The following STAT4 variants were observed in gnomAD, a reference collection of about 807,000 sequenced individuals.
STAT4 encodes the protein signal transducer and activator of transcription 4.
Under a neutral mutation model 110.5 loss-of-function variants are expected in STAT4, and 42 were observed. The ratio of observed to expected loss-of-function variants is 0.38; its 90% CI spans 0.30 to 0.49. STAT4 has a LOEUF of 0.49. Ranked by LOEUF, STAT4 falls within the 20% of genes least tolerant of loss-of-function variation. The pLI is 0.95. For missense variants in STAT4, 632 were observed against 887.9 expected (o/e 0.71, Z 3.66); for synonymous variants, 284 against 302.2 (o/e 0.94, Z 0.63).
rs34775786 is a variant in STAT4, at chr2:191,056,779, ATTTTTTTTTTTT to A, written c.1206+1227_1206+1238del. On this transcript the variant is annotated intron_variant, in intron 13 of 23. Coordinates refer to ENST00000392320, the MANE Select transcript of STAT4 (RefSeq NM_003151.4). Reference sequence around the variant, plus strand: ...ATAAATTATTGTTCCCTTCTACACTATTTTTTTTTTTTTTTTTTTTGGAGACTGAGTCTTGCT... The same window carrying A: ...ATAAATTATTGTTCCCTTCTACACTATTTTTTTTGGAGACTGAGTCTTGCT... Among the ~76,000 whole-genome samples the A allele has an allele frequency of 3.2e-5, 3 of 94,516 alleles. No individual in the cohort carries two copies. In the Admixed American group the frequency reaches 3.7e-4, roughly 12 times the overall value. The allele number at this position is 94,516 out of a possible 152,430, so 62.0% of individuals were successfully genotyped here. A position where few individuals can be genotyped will look rare whatever the true frequency, so the allele number is the denominator to read the frequency against.
rs1334612848 is a variant in STAT4, at chr2:191,138,765, G to GT, written c.273+7847dup. 6.6e-6 allele frequency among the ~76,000 whole-genome samples: 1 copy of GT among 152,096 alleles called. No individual in the cohort carries two copies. Among genetic ancestry groups the GT allele is most frequent in the East Asian group, 1.9e-4 (1 of 5,188 alleles). ...CTCTCTAAATCATTCCATGAAGCCA[G>GT]TATCACCCTAATACCAAAACCAGGA... On this transcript the variant is annotated intron_variant, in intron 3 of 23. Transcript: ENST00000392320. The surrounding 1 kb of genome is among the most constrained non-coding windows in gnomAD (Gnocchi z 4.3).
chr2:191,140,144 T>C lies in STAT4; in HGVS notation c.273+6469A>G, dbSNP rs1264517467. ...CTAAGACCTGAAGCCATAAAAATTC[T>C]AGAACATAACATTGGAAAAATACTT... is the stretch of plus-strand genomic sequence containing the variant. On this transcript the variant is annotated intron_variant, in intron 3 of 23. Coordinates refer to ENST00000392320, the MANE Select transcript of STAT4 (RefSeq NM_003151.4). This position sits in a 1 kb window ranked among gnomAD's most constrained non-coding sequence, Gnocchi z 4.4. Among the ~76,000 whole-genome samples the C allele has an allele frequency of 6.6e-6, 1 of 152,234 alleles. No homozygotes were observed. Among genetic ancestry groups the C allele is most frequent in the Non-Finnish European group, 1.5e-5 (1 of 68,044 alleles).
rs1699411211 is a variant in STAT4, at chr2:191,144,517, G to T, written c.273+2096C>A. On this transcript the variant is annotated intron_variant, in intron 3 of 23. Coordinates refer to ENST00000392320, the MANE Select transcript of STAT4 (RefSeq NM_003151.4). This position sits in a 1 kb window ranked among gnomAD's most constrained non-coding sequence, Gnocchi z 4.7. ...AGCTCAAGGAAGATTGTTGGGAAAG[G>T]TCTAAAGAGGAAAGATGCTAGAGGG... 1.3e-5 allele frequency among the ~76,000 whole-genome samples: 2 copies of T among 152,126 alleles called. No individual in the cohort carries two copies. Among genetic ancestry groups the T allele is most frequent in the Admixed American group, 1.3e-4 (2 of 15,264 alleles).
chr2:191,066,596 GC>G lies in STAT4; in HGVS notation c.545-82del. The G allele has an allele frequency of 7.7e-7, 1 of 1,305,848 alleles. No homozygotes were observed. 80.9% of individuals were successfully genotyped at this position (1,305,848 alleles called of 1,614,324 possible). A position where few individuals can be genotyped will look rare whatever the true frequency, so the allele number is the denominator to read the frequency against. On this transcript the variant is annotated intron_variant, in intron 6 of 23. Transcript: ENST00000392320. This position sits in a 1 kb window ranked among gnomAD's most constrained non-coding sequence, Gnocchi z 4.3. The stretch of plus-strand genomic sequence containing the variant: ...AGCCTCAATCCACCATCCTAAAACA[GC>G]CCTGGCCCGGAGAACTTATGTGGTA...
At chr2:191,052,164 T>C (rs1559045101) in intron 14 of STAT4, among the ~76,000 whole-genome samples, 1 of 152,182 alleles carries the variant, frequency 6.6e-6, no homozygotes, top group Non-Finnish European at 1.5e-5. Flanking sequence ...GCCCGTTCTT[T>C]CCTCACTCTT....
At chr2:191,071,541 C>A (rs906201367) in intron 5 of STAT4, among the ~76,000 whole-genome samples, 19 of 152,140 alleles carry the variant, frequency 1.2e-4, no homozygotes, top group African/African-American at 3.9e-4. Flanking sequence ...TAAACCAATG[C>A]CAGATCTCTG....
Position 191,058,899 on chromosome 2 carries a change from A to T in STAT4, c.1035-130T>A. ...AATAAACCTTACATTATCTACAGTT[A>T]TATGTTAGTGTGTTTTAAAAATGTA... On this transcript the variant is annotated intron_variant, in intron 10 of 23. Coordinates refer to ENST00000392320, the MANE Select transcript of STAT4 (RefSeq NM_003151.4). The surrounding 1 kb of genome is among the most constrained non-coding windows in gnomAD (Gnocchi z 4.3). The T allele has an allele frequency of 7.0e-6, 4 of 573,580 alleles. No individual in the cohort carries two copies. Among genetic ancestry groups the T allele is most frequent in the Admixed American group, 3.6e-5 (1 of 28,142 alleles). The allele number at this position is 573,580 out of a possible 1,614,324, so 35.5% of individuals were successfully genotyped here.
At chr2:191,122,125 T>C (rs2125393412) in intron 3 of STAT4, 1 of 152,132 alleles carries the variant, frequency 6.6e-6, no homozygotes, top group East Asian at 1.9e-4. Flanking sequence ...ATGTGCTTAT[T>C]TCACATTGCA....
At position 191,061,942 on chromosome 2, in the gene STAT4, C is replaced by G; in HGVS notation, c.942-121G>C. The G allele has an allele frequency of 1.3e-6, 1 of 797,352 alleles. No individual in the cohort carries two copies. The highest frequency in any genetic ancestry group is 2.1e-6 in the Non-Finnish European group (1 of 475,136). The allele number at this position is 797,352 out of a possible 1,614,324, so 49.4% of individuals were successfully genotyped here. On this transcript the variant is annotated intron_variant, in intron 9 of 23. Transcript: ENST00000392320. The surrounding 1 kb of genome is among the most constrained non-coding windows in gnomAD (Gnocchi z 6.2). ...AAATTTTCTACACTTAGAAGATATTCAAACCCCCAATTAAACTCAAATCTT... is the reference window on the plus strand; with the variant it reads ...AAATTTTCTACACTTAGAAGATATTGAAACCCCCAATTAAACTCAAATCTT...
Position 191,033,444 on chromosome 2 carries a change from T to C in STAT4, c.1852+46A>G, listed in dbSNP as rs554498147. 6.3e-7 allele frequency: 1 copy of C among 1,577,090 alleles called. No homozygotes were observed. The highest frequency in any genetic ancestry group is 1.9e-5 in the Admixed American group (1 of 53,274). ...AAAAACTGAAATCCCAGTAACCAAA[T>C]TTAAGAAAACTAATTTCACATGAAT... is the stretch of plus-strand genomic sequence containing the variant. On this transcript the variant is annotated intron_variant, in intron 20 of 23. Coordinates refer to ENST00000392320, the MANE Select transcript of STAT4 (RefSeq NM_003151.4). The surrounding 1 kb of genome is among the most constrained non-coding windows in gnomAD (Gnocchi z 6.9).
At chr2:191,093,292 G>A (rs975328410) in intron 3 of STAT4, among the ~76,000 whole-genome samples, 2 of 152,232 alleles carry the variant, frequency 1.3e-5, no homozygotes, top group African/African-American at 4.8e-5. Context: ...ACACCTCCCA[G>A]TAGGGGCTGA....
chr2:191,092,063 T>C (rs961432076), intron 3 of STAT4, among the ~76,000 whole-genome samples: 34 of 152,340 alleles, frequency 2.2e-4, no homozygotes, highest in African/African-American at 7.9e-4. Flanking sequence ...AAAATCTTGC[T>C]TGTATAATTG....
At position 191,062,479 on chromosome 2, in the gene STAT4, A is replaced by T. The variant is rs1487658175; in HGVS notation, c.941+283T>A. Reference sequence around the variant, plus strand: ...CCTTCATTTCATGGATATGCACATAAGAAAAAACCCTTGAAATTTTTTCTA... The same window carrying T: ...CCTTCATTTCATGGATATGCACATATGAAAAAACCCTTGAAATTTTTTCTA... On this transcript the variant is annotated intron_variant, in intron 9 of 23. Transcript: ENST00000392320. The surrounding 1 kb of genome is among the most constrained non-coding windows in gnomAD (Gnocchi z 4.9). Among the ~76,000 whole-genome samples, 1 of 152,230 alleles carries T rather than the reference A, an allele frequency of 6.6e-6. No individual in the cohort carries two copies. The highest frequency in any genetic ancestry group is 1.5e-5 in the Non-Finnish European group (1 of 68,040).
chr2:191,070,822 T>C (rs945947728), intron 5 of STAT4, among the ~76,000 whole-genome samples: 12 of 151,906 alleles, frequency 7.9e-5, no homozygotes, highest in Admixed American at 7.9e-4. Flanking sequence ...CAAATGTCTT[T>C]GCATTTTAGC....
rs201262569 is a variant in STAT4, at chr2:191,075,840, T to TC, written c.372+386_372+387insG. ...AAAATGTCTCCTTTCTTTCTTTCTTTTTTTTTTTTTTTTTTTGTTTTGTTT... is the reference window on the plus strand; with the variant it reads ...AAAATGTCTCCTTTCTTTCTTTCTTTCTTTTTTTTTTTTTTTTGTTTTGTTT... On this transcript the variant is annotated intron_variant, in intron 4 of 23. Coordinates refer to ENST00000392320, the MANE Select transcript of STAT4 (RefSeq NM_003151.4). Among the ~76,000 whole-genome samples the TC allele has an allele frequency of 8.2e-3, 1,163 of 141,366 alleles. 10 individuals carry two copies. Among genetic ancestry groups the TC allele is most frequent in the African/African-American group, 0.027 (1,043 of 38,102 alleles). 92.7% of individuals were successfully genotyped at this position (141,366 alleles called of 152,430 possible). A position where few individuals can be genotyped will look rare whatever the true frequency, so the allele number is the denominator to read the frequency against.
At position 191,082,595 on chromosome 2, in the gene STAT4, A is replaced by G. The variant is rs1423678931; in HGVS notation, c.274-6270T>C. 6.6e-6 allele frequency among the ~76,000 whole-genome samples: 1 copy of G among 152,254 alleles called. No homozygotes were observed. Among genetic ancestry groups the G allele is most frequent in the East Asian group, 1.9e-4 (1 of 5,206 alleles). ...ATGTTAAAATGTGGAGAACAGTGTC[A>G]TAGAATCCATGAACATGCTATTTAT... On this transcript the variant is annotated intron_variant, in intron 3 of 23. Transcript: ENST00000392320. The surrounding 1 kb of genome is among the most constrained non-coding windows in gnomAD (Gnocchi z 4.7).
chr2:191,120,902 A>G (rs1426475770), intron 3 of STAT4, among the ~76,000 whole-genome samples: 1 of 152,248 alleles, frequency 6.6e-6, no homozygotes, highest in Non-Finnish European at 1.5e-5. Flanking sequence ...AATGGCAACA[A>G]AAGCCAAAAT....
rs914514988 is a variant in STAT4, at chr2:191,077,333, G to A, written c.274-1008C>T. 2.6e-5 allele frequency among the ~76,000 whole-genome samples: 4 copies of A among 152,294 alleles called. No individual in the cohort carries two copies. The highest frequency in any genetic ancestry group is 2.6e-4 in the Admixed American group (4 of 15,298). ...CCTTACCTGCAAGGCCTCTGTAGGTGTCTGAGTTTTCTAACCTTAATGGAT... is the reference window on the plus strand; with the variant it reads ...CCTTACCTGCAAGGCCTCTGTAGGTATCTGAGTTTTCTAACCTTAATGGAT... On this transcript the variant is annotated intron_variant, in intron 3 of 23. Transcript: ENST00000392320. This position sits in a 1 kb window ranked among gnomAD's most constrained non-coding sequence, Gnocchi z 4.1.
At chr2:191,108,631 T>A (rs181215526) in intron 3 of STAT4, among the ~76,000 whole-genome samples, 2 of 152,166 alleles carry the variant, frequency 1.3e-5, no homozygotes, top group African/African-American at 4.8e-5. Flanking sequence ...TAAAAGCACA[T>A]GGATTTTTCT....
Sources: allele counts gnomAD v4.1 joint callset (sites outside exome capture counted in the v4.1 genomes callset), GRCh38; gene constraint gnomAD v4.1.1; non-coding constraint Gnocchi (gnomAD v3.1); transcripts MANE v1.5; gene names NCBI Gene and HGNC (gene_info 2026-07-23, HGNC 2026-07-21).